Variants in PHF8 observed in about 807,000 individuals in gnomAD.
PHF8 encodes histone lysine demethylase PHF8.
PHF8 carries 9 observed loss-of-function variants against 74.4 expected under a neutral mutation model. The observed-to-expected ratio is 0.12, with a 90% CI of 0.07 to 0.21. The LOEUF is 0.21. Ranked by LOEUF, PHF8 falls within the 10% of genes least tolerant of loss-of-function variation. The pLI is 1.00. For synonymous variants in PHF8, 311 were observed against 316.6 expected (o/e 0.98, Z 0.19); for missense variants, 478 against 816.6 (o/e 0.59, Z 5.05).
At chrX:54,026,003 A>G (rs2066260307) in intron 2 of PHF8, among the ~76,000 whole-genome samples, 1 of 111,416 alleles carries the variant, frequency 9.0e-6, no homozygotes, top group South Asian at 3.7e-4. Flanking sequence ...AGACCACTAG[A>G]TGTGGCTAGA....
intron 19 of PHF8, among the ~76,000 whole-genome samples, chrX:53,947,984 T>C (rs1415445532): frequency 9.0e-6 from 1 of 111,712 alleles, no homozygotes; most frequent in Non-Finnish European, 1.9e-5. Context: ...TTCAAAGTTT[T>C]TCCAGCTGAG....
intron 18 of PHF8, among the ~76,000 whole-genome samples, chrX:53,972,046 C>T (rs1171168708): frequency 9.0e-6 from 1 of 111,168 alleles, no homozygotes; most frequent in African/African-American, 3.3e-5. Context: ...AAACTTCGGC[C>T]GGCTGCGGTG....
intron 2 of PHF8, among the ~76,000 whole-genome samples, chrX:54,041,097 T>C (rs995580902): frequency 4.8e-4 from 54 of 111,535 alleles, no homozygotes; most frequent in African/African-American, 1.7e-3. Context: ...CAGAAATAGC[T>C]TGCTGGGCAT....
intron 18 of PHF8, among the ~76,000 whole-genome samples, chrX:53,979,049 T>C (rs1217186878): frequency 9.0e-6 from 1 of 110,909 alleles, no homozygotes; most frequent in Non-Finnish European, 1.9e-5. Flanking sequence ...AACATGTGTA[T>C]ACCAAGAGAG....
intron 6 of PHF8, among the ~76,000 whole-genome samples, chrX:54,016,049 C>T (rs2149876845): frequency 9.0e-6 from 1 of 111,175 alleles, no homozygotes; most frequent in Admixed American, 9.6e-5. Context: ...AAAAAGGAGA[C>T]AAAAATTAAT....
chrX:54,045,127 A>G, upstream of PHF8: 1 of 363,069 alleles, frequency 2.8e-6, no homozygotes, highest in Non-Finnish European at 4.8e-6. Context: ...CTCCCTCTGA[A>G]CTCTTCTTTG....
In PHF8 at chrX:54,037,007, A is replaced by T. The variant is rs185013702; in HGVS notation, c.98+5624T>A. ...AGGCTGTTTCAGAAAAAATAAAAAA[A>T]AAAAAAAAAAGAAAAGAAAGTCTCA... On this transcript the variant is annotated intron_variant, in intron 2 of 21. Transcript: ENST00000338154. Among the ~76,000 whole-genome samples the T allele has an allele frequency of 2.8e-3, 302 of 108,764 alleles. 3 individuals are homozygous for T. Among genetic ancestry groups the T allele is most frequent in the African/African-American group, 9.2e-3 (276 of 30,010 alleles). The allele number at this position is 108,764 out of a possible 115,157, so 94.4% of individuals were successfully genotyped here.
At chrX:53,977,530 G>C (rs947259008) in intron 18 of PHF8, among the ~76,000 whole-genome samples, 1 of 111,227 alleles carries the variant, frequency 9.0e-6, no homozygotes, top group African/African-American at 3.3e-5. Flanking sequence ...ATACTTATTA[G>C]GATGATTAAA....
intron 14 of PHF8, among the ~76,000 whole-genome samples, chrX:53,991,436 C>T (rs868961396): frequency 1.8e-5 from 2 of 108,777 alleles, no homozygotes; most frequent in Admixed American, 9.9e-5. Context: ...CCGAGGTGGG[C>T]GGATCACTCG....
chrX:54,033,787 G>C (rs781960026), intron 2 of PHF8, among the ~76,000 whole-genome samples: 2 of 110,613 alleles, frequency 1.8e-5, no homozygotes, highest in South Asian at 7.7e-4. Context: ...GCCAGGCATG[G>C]TGGTATGTGC....
Position 53,985,162 on chromosome X carries a change from T to A in PHF8, c.2195A>T (p.Gln732Leu), listed in dbSNP as rs781949615. The change falls in exon 18 of 22, where the codon CAG becomes CTG. Residue 732 changes from glutamine (Q) to leucine (L), a missense_variant. Coordinates refer to ENST00000338154, the MANE Select transcript of PHF8 (RefSeq NM_015107.3). ...GGTAGCCGGTGAGGACGATGAGGAC[T>A]GCAGGTTGGCCATGCACAGCATGCC... Reference protein sequence around the residue: ...IQGMLCMANLQSSSSSPATSS... With the variant: ...IQGMLCMANLLSSSSSPATSS... 1.7e-6 allele frequency: 2 copies of A among 1,204,987 alleles called. No homozygotes were observed. The highest frequency in any genetic ancestry group is 1.1e-6 in the Non-Finnish European group (1 of 892,271).
chrX:53,979,906 T>C (rs1286099928), intron 18 of PHF8, among the ~76,000 whole-genome samples: 2 of 111,268 alleles, frequency 1.8e-5, no homozygotes, highest in African/African-American at 6.5e-5. Flanking sequence ...GAAGGATCAC[T>C]TGAGCCCAGG....
intron 18 of PHF8, among the ~76,000 whole-genome samples, chrX:53,981,802 G>C (rs2065483634): frequency 8.9e-6 from 1 of 111,748 alleles, no homozygotes; most frequent in Admixed American, 9.6e-5. Flanking sequence ...CTTTTTGCCT[G>C]CCTTATTGTT....
chrX:54,013,230 T>G (rs782193638), intron 7 of PHF8, among the ~76,000 whole-genome samples: 9 of 112,127 alleles, frequency 8.0e-5, no homozygotes, highest in African/African-American at 2.6e-4. Flanking sequence ...TCATAGTCAC[T>G]GACAATACAC....
At chrX:54,011,058 G>A (rs782748777) in intron 8 of PHF8, 64 bp downstream of exon 8, 1 of 987,975 alleles carries the variant, frequency 1.0e-6, no homozygotes, top group African/African-American at 1.9e-5. Context: ...TATGCTGTGG[G>A]GCCAAAAGCT....
At chrX:54,003,276 A>G (rs917262993) in intron 8 of PHF8, among the ~76,000 whole-genome samples, 4 of 112,118 alleles carry the variant, frequency 3.6e-5, no homozygotes, top group Non-Finnish European at 7.5e-5. Flanking sequence ...TTTTAAGAGT[A>G]TAAAGGAATA....
Position 53,938,701 on chromosome X carries a change from T to C in PHF8, c.*457A>G. 2 of 759,124 alleles carry C rather than the reference T, an allele frequency of 2.6e-6. No homozygotes were observed. Among genetic ancestry groups the C allele is most frequent in the Non-Finnish European group, 3.1e-6 (2 of 643,090 alleles). The allele number at this position is 759,124 out of a possible 1,213,427, so 62.6% of individuals were successfully genotyped here. A position where few individuals can be genotyped will look rare whatever the true frequency, so the allele number is the denominator to read the frequency against. On this transcript the variant is annotated 3_prime_UTR_variant, in exon 22 of 22. Coordinates refer to ENST00000338154, the MANE Select transcript of PHF8 (RefSeq NM_015107.3). ...GGGCATGTCCACTGGACTGGGGAAATGGGGCAAACAGAATGGGTGGAGGTG... is the reference window on the plus strand; with the variant it reads ...GGGCATGTCCACTGGACTGGGGAAACGGGGCAAACAGAATGGGTGGAGGTG...
At chrX:54,008,160 A>G (rs1489401820) in intron 8 of PHF8, among the ~76,000 whole-genome samples, 1 of 110,496 alleles carries the variant, frequency 9.1e-6, no homozygotes, top group East Asian at 2.9e-4. Context: ...CGTGGTCAAC[A>G]GATTGAGACC....
At chrX:53,943,502 A>G in intron 20 of PHF8, 1 of 860,407 alleles carries the variant, frequency 1.2e-6, no homozygotes, top group Non-Finnish European at 1.5e-6. Context: ...CAGATGCTTA[A>G]CAGTGCTCTA....
Sources: allele counts gnomAD v4.1 joint callset (sites outside exome capture counted in the v4.1 genomes callset), GRCh38; gene constraint gnomAD v4.1.1; transcripts MANE v1.5; gene names NCBI Gene and HGNC (gene_info 2026-07-23, HGNC 2026-07-21).